LRIF1: variants seen among roughly 807,000 people sequenced by gnomAD.
LRIF1 encodes ligand-dependent nuclear receptor-interacting factor 1.
In LRIF1, 32 loss-of-function variants were observed where a neutral mutation model predicts 52.7. The observed-to-expected ratio is 0.61, with a 90% CI of 0.46 to 0.82. The LOEUF (loss-of-function observed/expected upper bound fraction) is 0.82, where lower values mean the gene tolerates loss of function less well. Ranked by LOEUF, LRIF1 falls within the 40% of genes least tolerant of loss-of-function variation. The pLI is 0.00. For missense variants in LRIF1, 887 were observed against 892.0 expected, an observed-to-expected ratio of 0.99 and a Z score of 0.07; for synonymous variants, 323 against 317.4, an observed-to-expected ratio of 1.02 and a Z score of -0.19.
At chr1:110,919,626 A>G in the LRIF1 span, among the ~76,000 whole-genome samples, 1 of 152,350 alleles carries the variant, frequency 6.6e-6, no homozygotes, top group South Asian at 2.1e-4. Flanking sequence ...AAAAGTGGTA[A>G]ATTGGCTAAA....
At chr1:110,905,558 C>CA in the LRIF1 span, among the ~76,000 whole-genome samples, 1 of 151,942 alleles carries the variant, frequency 6.6e-6, no homozygotes, top group Admixed American at 6.6e-5. Flanking sequence ...AAAATGAAGG[C>CA]AAAATAAAGA....
the LRIF1 span, among the ~76,000 whole-genome samples, chr1:110,919,051 G>C: frequency 6.6e-6 from 1 of 152,220 alleles, no homozygotes; most frequent in African/African-American, 2.4e-5. Context: ...CTTTGAGGTG[G>C]TTTCTTATGA....
the LRIF1 span, among the ~76,000 whole-genome samples, chr1:110,918,444 T>G: frequency 6.6e-6 from 1 of 152,074 alleles, no homozygotes; most frequent in Non-Finnish European, 1.5e-5. Flanking sequence ...TAAAGATATA[T>G]CAAATCCAAA....
At chr1:110,929,351 T>A in the LRIF1 span, among the ~76,000 whole-genome samples, 4 of 152,188 alleles carry the variant, frequency 2.6e-5, no homozygotes, top group East Asian at 7.7e-4. Flanking sequence ...CTGCTTTCCA[T>A]AAGGATTGAA....
chr1:110,927,119 A>G, the LRIF1 span, among the ~76,000 whole-genome samples: 1 of 152,234 alleles, frequency 6.6e-6, no homozygotes, highest in Non-Finnish European at 1.5e-5. Context: ...TGAATTAAAG[A>G]CCAGTCTTTG....
the LRIF1 span, among the ~76,000 whole-genome samples, chr1:110,878,763 T>A: frequency 6.6e-6 from 1 of 152,204 alleles, no homozygotes; most frequent in Non-Finnish European, 1.5e-5. Context: ...TGTGCTTACA[T>A]TTGCCTTTTA....
chr1:110,945,821 T>C (rs542507297), downstream of LRIF1, among the ~76,000 whole-genome samples: 1 of 152,344 alleles, frequency 6.6e-6, no homozygotes, highest in East Asian at 1.9e-4. Flanking sequence ...ATTCTGCTGA[T>C]AAATCAAGAA....
At chr1:110,931,975 C>T in the LRIF1 span, among the ~76,000 whole-genome samples, 3 of 152,124 alleles carry the variant, frequency 2.0e-5, no homozygotes, top group Admixed American at 2.0e-4. Context: ...TGTGCAGAAG[C>T]TCTTTGGTTT....
the LRIF1 span, among the ~76,000 whole-genome samples, chr1:110,912,721 G>T: frequency 6.6e-6 from 1 of 152,262 alleles, no homozygotes; most frequent in South Asian, 2.1e-4. Context: ...CTCATAGATA[G>T]GAACAATCAA....
chr1:110,956,582 G>A (rs929705206), intron 1 of LRIF1, among the ~76,000 whole-genome samples: 6 of 152,180 alleles, frequency 3.9e-5, no homozygotes, highest in African/African-American at 1.4e-4. Flanking sequence ...TAGAAAACAG[G>A]ATGCGTGAAA....
chr1:110,896,460 A>G, the LRIF1 span, among the ~76,000 whole-genome samples: 14 of 152,322 alleles, frequency 9.2e-5, no homozygotes, highest in East Asian at 2.7e-3. Context: ...TCTACTCCAC[A>G]GGGATCTTAT....
chr1:110,878,458 G>A, the LRIF1 span, among the ~76,000 whole-genome samples: 1 of 152,214 alleles, frequency 6.6e-6, no homozygotes. Context: ...GAAGTGTCTG[G>A]AAAGACGTTT....
At chr1:110,888,822 A>G in the LRIF1 span, among the ~76,000 whole-genome samples, 1 of 152,232 alleles carries the variant, frequency 6.6e-6, no homozygotes, top group African/African-American at 2.4e-5. Context: ...CTAAGTGCTC[A>G]AAGCTGTAGC....
At chr1:110,944,780 C>G (rs1658164272), downstream of LRIF1, 1 of 152,002 alleles carries the variant, frequency 6.6e-6, no homozygotes, top group Non-Finnish European at 1.5e-5. Flanking sequence ...ACACATAGAC[C>G]TAGATTTAAT....
rs759105694 is a variant in LRIF1 at position 110,952,228 on chromosome 1, C to A, written c.656G>T (p.Gly219Val). The change falls in exon 2 of 4, where the codon GGA (glycine) becomes GTA (valine). Residue 219 changes from glycine to valine, a missense_variant. Coordinates refer to ENST00000369763, the MANE Select transcript of LRIF1 (RefSeq NM_018372.4). ...ILATATTSTS[G>V]MVEASQMPTV... ...TGGCATTTGGGAGGCCTCAACCATT[C>A]CTGAGGTACTGGTGGTGGCAGTTGC... The A allele has an allele frequency of 1.3e-4, 216 of 1,613,994 alleles. No homozygotes were observed. The highest frequency in any genetic ancestry group is 1.8e-4 in the Non-Finnish European group (213 of 1,180,008).
chr1:110,881,115 G>A, the LRIF1 span, among the ~76,000 whole-genome samples: 2 of 152,086 alleles, frequency 1.3e-5, no homozygotes, highest in South Asian at 2.1e-4. Flanking sequence ...ATTAGGAGGG[G>A]CCTTTGACGT....
the LRIF1 span, among the ~76,000 whole-genome samples, chr1:110,914,183 C>T: frequency 2.0e-5 from 3 of 151,844 alleles, no homozygotes; most frequent in Non-Finnish European, 4.4e-5. Flanking sequence ...AGGTGAGGAT[C>T]AAAAAAATGC....
chr1:110,924,083 A>G, the LRIF1 span, among the ~76,000 whole-genome samples: 1 of 152,180 alleles, frequency 6.6e-6, no homozygotes, highest in Admixed American at 6.5e-5. Flanking sequence ...AACAGATATA[A>G]AAGTATTGTG....
the LRIF1 span, among the ~76,000 whole-genome samples, chr1:110,886,865 A>ATT: frequency 2.3e-5 from 1 of 44,358 alleles, no homozygotes; most frequent in African/African-American, 7.3e-5. Context: ...ATATATATAT[A>ATT]TATATTTTTT....
Sources: gnomAD v4.1 joint callset for allele counts (sites outside exome capture counted in the v4.1 genomes callset) on GRCh38, gnomAD v4.1.1 for gene constraint, MANE v1.5 for transcripts, NCBI Gene and HGNC (gene_info 2026-07-23, HGNC 2026-07-21) for gene names.